The following ZDHHC14 variants were observed in gnomAD, a reference collection of about 807,000 sequenced individuals.
ZDHHC14 encodes the protein palmitoyltransferase ZDHHC14.
Under a neutral mutation model 47.7 loss-of-function variants are expected in ZDHHC14, and 16 were observed. The ratio of observed to expected loss-of-function variants is 0.34; its 90% CI spans 0.23 to 0.51. ZDHHC14 has a LOEUF of 0.51. ZDHHC14 is among the 20% of genes least tolerant of loss of function. ZDHHC14 has a pLI of 0.97. For missense variants in ZDHHC14, 515 were observed against 662.5 expected (o/e 0.78, Z 2.44); for synonymous variants, 293 against 278.9 (o/e 1.05, Z -0.50).
intron 2 of ZDHHC14, among the ~76,000 whole-genome samples, chr6:157,556,791 G>C (rs1782485422): frequency 6.6e-6 from 1 of 152,206 alleles, no homozygotes; most frequent in Non-Finnish European, 1.5e-5. Context: ...GGACAGAAAG[G>C]GGAAGAGATG....
intron 1 of ZDHHC14, among the ~76,000 whole-genome samples, chr6:157,406,709 T>G (rs1157695709): frequency 6.6e-6 from 1 of 152,222 alleles, no homozygotes; most frequent in East Asian, 1.9e-4. Context: ...AAACTAAGGA[T>G]CTAATTCCAT....
intron 1 of ZDHHC14, among the ~76,000 whole-genome samples, chr6:157,453,626 C>A (rs548839923): frequency 2.0e-5 from 3 of 152,328 alleles, no homozygotes; most frequent in Non-Finnish European, 2.9e-5. Flanking sequence ...ACTTCAGTGT[C>A]ATTCATTCAG....
intron 1 of ZDHHC14, among the ~76,000 whole-genome samples, chr6:157,534,789 C>T (rs1781482728): frequency 6.6e-6 from 1 of 151,738 alleles, no homozygotes; most frequent in Admixed American, 6.6e-5. Context: ...CGGGGTTTCG[C>T]CATGTTGCCC....
chr6:157,555,249 A>T (rs1325340177), intron 2 of ZDHHC14, among the ~76,000 whole-genome samples: 1 of 152,234 alleles, frequency 6.6e-6, no homozygotes. Context: ...GTGAATGCCA[A>T]CAAAAAGTTC....
chr6:157,618,346 T>TA (rs1785047363), intron 3 of ZDHHC14, among the ~76,000 whole-genome samples: 3 of 151,866 alleles, frequency 2.0e-5, no homozygotes, highest in Admixed American at 2.0e-4. Flanking sequence ...TTTTGAGACC[T>TA]AATCTCACTC....
intron 1 of ZDHHC14, among the ~76,000 whole-genome samples, chr6:157,452,106 G>C (rs763631493): frequency 3.9e-5 from 6 of 152,156 alleles, no homozygotes; most frequent in Non-Finnish European, 8.8e-5. Context: ...TTCTGAGGCC[G>C]AAGTGATGGT....
At chr6:157,581,313 T>C (rs2114873785) in intron 2 of ZDHHC14, among the ~76,000 whole-genome samples, 1 of 150,050 alleles carries the variant, frequency 6.7e-6, no homozygotes, top group African/African-American at 2.4e-5. Context: ...TTTTTTTTAA[T>C]TTGCTGAGGA....
At chr6:157,470,329 T>C (rs965228379) in intron 1 of ZDHHC14, among the ~76,000 whole-genome samples, 4 of 152,230 alleles carry the variant, frequency 2.6e-5, no homozygotes, top group Non-Finnish European at 5.9e-5. Context: ...CCTCAGGTGA[T>C]CCACTCACCC....
chr6:157,397,177 A>G (rs78448132), intron 1 of ZDHHC14, among the ~76,000 whole-genome samples: 5,143 of 152,328 alleles, frequency 0.034, 118 homozygotes, highest in Non-Finnish European at 0.048. Flanking sequence ...GCCCCAGTCA[A>G]GCGTAAAGGG....
intron 1 of ZDHHC14, among the ~76,000 whole-genome samples, chr6:157,383,570 G>C (rs1562404043): frequency 6.6e-6 from 1 of 152,200 alleles, no homozygotes; most frequent in East Asian, 1.9e-4. Flanking sequence ...CAGGAGAAAC[G>C]TTTTGTATCT....
intron 1 of ZDHHC14, among the ~76,000 whole-genome samples, chr6:157,412,742 A>G (rs552170103): frequency 6.6e-6 from 1 of 152,370 alleles, no homozygotes; most frequent in Non-Finnish European, 1.5e-5. Flanking sequence ...TAGCCTGGAT[A>G]GCAGGAGACC....
intron 1 of ZDHHC14, among the ~76,000 whole-genome samples, chr6:157,485,107 T>A (rs1020439794): frequency 1.5e-4 from 23 of 150,820 alleles, no homozygotes; most frequent in African/African-American, 5.7e-4. Context: ...AAAAAACCAA[T>A]AAAAATAAAT....
chr6:157,634,858 C>G (rs1479875882), intron 5 of ZDHHC14, among the ~76,000 whole-genome samples: 4 of 152,250 alleles, frequency 2.6e-5, no homozygotes, highest in Admixed American at 6.5e-5. Flanking sequence ...AAAGGCCACC[C>G]TCAAAGCCTG....
intron 4 of ZDHHC14, 60 bp from the exon 5 acceptor site, chr6:157,632,774 G>A: frequency 1.4e-6 from 2 of 1,468,102 alleles, no homozygotes; most frequent in South Asian, 2.3e-5. Context: ...GTAGATGAGA[G>A]AGCATTCAGC....
intron 1 of ZDHHC14, among the ~76,000 whole-genome samples, chr6:157,431,910 G>A (rs1778346398): frequency 6.6e-6 from 1 of 151,890 alleles, no homozygotes; most frequent in Non-Finnish European, 1.5e-5. Flanking sequence ...TGTATTTTTT[G>A]TAGAGATAGG....
intron 1 of ZDHHC14, among the ~76,000 whole-genome samples, chr6:157,481,335 C>G (rs1779624943): frequency 6.6e-6 from 1 of 152,130 alleles, no homozygotes; most frequent in East Asian, 1.9e-4. Flanking sequence ...AGAAAATGGA[C>G]AGTTAATTGG....
rs148040817 is a variant in ZDHHC14, at chr6:157,422,771, G to C, written c.245+40505G>C. Among the ~76,000 whole-genome samples, 5 of 152,272 alleles carry C rather than the reference G, an allele frequency of 3.3e-5. No individual in the cohort carries two copies. In the East Asian group the frequency reaches 9.6e-4, roughly 29 times the overall value. ...ATAGCATGCCCAAGGCATTTGTATCGACCCCTTCTGTGCTTTTTATATTTT... is the reference window on the plus strand; with the variant it reads ...ATAGCATGCCCAAGGCATTTGTATCCACCCCTTCTGTGCTTTTTATATTTT... On this transcript the variant is annotated intron_variant, in intron 1 of 8. Transcript: ENST00000359775.
At chr6:157,386,900 G>T (rs1455879514) in intron 1 of ZDHHC14, among the ~76,000 whole-genome samples, 3 of 152,150 alleles carry the variant, frequency 2.0e-5, no homozygotes, top group Non-Finnish European at 2.9e-5. Flanking sequence ...AAAATCTTTG[G>T]TCCTGAAATA....
intron 3 of ZDHHC14, among the ~76,000 whole-genome samples, chr6:157,612,696 A>G (rs1018432343): frequency 6.6e-6 from 1 of 152,150 alleles, no homozygotes; most frequent in Non-Finnish European, 1.5e-5. Flanking sequence ...CCCTTACTGT[A>G]TTCCCAGCAG....
Sources: allele counts gnomAD v4.1 joint callset (sites outside exome capture counted in the v4.1 genomes callset), GRCh38; gene constraint gnomAD v4.1.1; transcripts MANE v1.5; gene names NCBI Gene and HGNC (gene_info 2026-07-23, HGNC 2026-07-21).